PLXNA4: variants seen among roughly 807,000 people sequenced by gnomAD.
PLXNA4 encodes the protein plexin A4.
PLXNA4 carries 44 observed loss-of-function variants against 191.8 expected under a neutral mutation model. That is an observed-to-expected ratio of 0.23 (90% CI 0.18 to 0.29). PLXNA4 has a LOEUF of 0.29. PLXNA4 is among the 10% of genes least tolerant of loss of function. PLXNA4 has a pLI of 1.00. For missense variants in PLXNA4, 1,800 were observed against 2,488.8 expected (o/e 0.72, Z 5.89); for synonymous variants, 1,082 against 1,009.5 (o/e 1.07, Z -1.36).
At chr7:132,645,746 T>C (rs117627811) in intron 2 of PLXNA4, among the ~76,000 whole-genome samples, 4,484 of 152,122 alleles carry the variant, frequency 0.029, 153 homozygotes, top group Admixed American at 0.099. Flanking sequence ...CAGACACAAG[T>C]TGGGAAGAGC....
At chr7:132,141,999 A>C (rs1473469441) in intron 29 of PLXNA4, among the ~76,000 whole-genome samples, 1 of 152,132 alleles carries the variant, frequency 6.6e-6, no homozygotes, top group Admixed American at 6.5e-5. Flanking sequence ...CAAAGTGTTG[A>C]GAATACAAGG....
chr7:132,192,501 G>A (rs1206820018), intron 14 of PLXNA4, among the ~76,000 whole-genome samples: 1 of 151,234 alleles, frequency 6.6e-6, no homozygotes, highest in Non-Finnish European at 1.5e-5. Flanking sequence ...AGCAAGGAAG[G>A]AAGGAAGGGA....
chr7:132,289,391 G>A (rs1800800758), intron 4 of PLXNA4, among the ~76,000 whole-genome samples: 2 of 152,264 alleles, frequency 1.3e-5, no homozygotes, highest in South Asian at 4.2e-4. Flanking sequence ...TCTTAGGTTG[G>A]TTCCTTCTTT....
chr7:132,466,966 G>C (rs1210596276), intron 3 of PLXNA4, among the ~76,000 whole-genome samples: 2 of 152,136 alleles, frequency 1.3e-5, no homozygotes, highest in African/African-American at 4.8e-5. Context: ...ACCTCTTAGA[G>C]AAGCTCCCAT....
chr7:132,597,553 A>G (rs899062925), intron 2 of PLXNA4, among the ~76,000 whole-genome samples: 5 of 151,418 alleles, frequency 3.3e-5, no homozygotes, highest in Non-Finnish European at 5.9e-5. Flanking sequence ...GACACATTCA[A>G]TCATGCATCG....
rs768198205 is a variant in PLXNA4, at chr7:132,227,513, C to T, written c.1820G>A (p.Gly607Asp). Residue 607 changes from glycine (G) to aspartate (D), a missense_variant, in exon 7 of 32, where the codon GGC becomes GAC. Gly to Asp is a moderately conservative substitution (Grantham distance 94). Transcript: ENST00000321063. ...AGGGGAGTAGCACTGGATCTGATTG[C>T]CCACGACCAGCCCATCCATCTCTGA... ...DLSEMDGLVV[G>D]NQIQCYSPAA... The T allele has an allele frequency of 1.2e-6, 2 of 1,614,172 alleles. No homozygotes were observed. The highest frequency in any genetic ancestry group is 1.1e-5 in the South Asian group (1 of 91,070).
chr7:132,187,261 C>T (rs914736312), intron 15 of PLXNA4, among the ~76,000 whole-genome samples: 3 of 152,194 alleles, frequency 2.0e-5, no homozygotes, highest in Admixed American at 2.0e-4. Context: ...TCCGATCTCC[C>T]ATTTAGCCAG....
chr7:132,548,761 C>T (rs1800420581), intron 1 of PLXNA4, among the ~76,000 whole-genome samples: 1 of 152,150 alleles, frequency 6.6e-6, no homozygotes, highest in African/African-American at 2.4e-5. Context: ...GAAGGTTAGG[C>T]ATTCTTAGTC....
At chr7:132,211,284 CCCAG>C in intron 9 of PLXNA4, 141 bp from the exon 10 acceptor site, 2 of 811,696 alleles carry the variant, frequency 2.5e-6, no homozygotes, top group Non-Finnish European at 3.8e-6. Flanking sequence ...CTCGTGCCCA[CCCAG>C]TGGGCAATGC....
At chr7:132,468,599 G>T (rs573707936) in intron 3 of PLXNA4, among the ~76,000 whole-genome samples, 5 of 152,122 alleles carry the variant, frequency 3.3e-5, no homozygotes, top group Non-Finnish European at 7.3e-5. Flanking sequence ...CACTCTTCCT[G>T]CAGATGTAGG....
chr7:132,248,961 G>A (rs1198538616), intron 4 of PLXNA4, among the ~76,000 whole-genome samples: 1 of 152,200 alleles, frequency 6.6e-6, no homozygotes, highest in Admixed American at 6.5e-5. Context: ...AATCCAGCTG[G>A]GCCTCACTTG....
chr7:132,186,978 T>G (rs977087018), intron 15 of PLXNA4, among the ~76,000 whole-genome samples: 3 of 152,178 alleles, frequency 2.0e-5, no homozygotes, highest in Admixed American at 6.5e-5. Flanking sequence ...ACATCACTAT[T>G]GTAAAACCTA....
At chr7:132,527,370 A>G (rs1799439341) in intron 1 of PLXNA4, among the ~76,000 whole-genome samples, 1 of 151,940 alleles carries the variant, frequency 6.6e-6, no homozygotes, top group Admixed American at 6.6e-5. Flanking sequence ...CAGATACCCA[A>G]CTGCCTTCAA....
In PLXNA4 at chr7:132,123,517, G is replaced by A. The variant is rs1794691102; in HGVS notation, c.*6962C>T. On this transcript the variant is annotated 3_prime_UTR_variant, in exon 32 of 32. Coordinates refer to ENST00000321063, the MANE Select transcript of PLXNA4 (RefSeq NM_020911.2). ...ACTGGGCTCCAATTTAAATAGCACA[G>A]GTTTCCTTTTTAAAAACTTTTTAAT... The A allele has an allele frequency of 6.6e-6, 1 of 151,786 alleles. No homozygotes were observed. Among genetic ancestry groups the A allele is most frequent in the South Asian group, 2.1e-4 (1 of 4,800 alleles). 9.4% of individuals were successfully genotyped at this position (151,786 alleles called of 1,614,324 possible).
At chr7:132,344,776 A>C (rs564155284) in intron 3 of PLXNA4, among the ~76,000 whole-genome samples, 1 of 152,218 alleles carries the variant, frequency 6.6e-6, no homozygotes, top group African/African-American at 2.4e-5. Flanking sequence ...TTAAGTGTCA[A>C]GCAAGAGATC....
chr7:132,448,835 A>T (rs867640287), intron 3 of PLXNA4, among the ~76,000 whole-genome samples: 2 of 152,240 alleles, frequency 1.3e-5, no homozygotes, highest in Non-Finnish European at 2.9e-5. Flanking sequence ...TACATAGCCC[A>T]GTTCTAGTTG....
At chr7:132,464,503 C>A (rs4731868) in intron 3 of PLXNA4, among the ~76,000 whole-genome samples, 1 of 152,084 alleles carries the variant, frequency 6.6e-6, no homozygotes, top group African/African-American at 2.4e-5. Context: ...AAGTAAGACT[C>A]TCAGCACCTG....
At chr7:132,625,682 G>A (rs1563198038) in intron 2 of PLXNA4, among the ~76,000 whole-genome samples, 1 of 152,190 alleles carries the variant, frequency 6.6e-6, no homozygotes, top group African/African-American at 2.4e-5. Flanking sequence ...GCTATAGGAT[G>A]TAAAGGAGTA....
intron 3 of PLXNA4, among the ~76,000 whole-genome samples, chr7:132,486,097 T>G (rs929011232): frequency 2.0e-5 from 3 of 152,096 alleles, no homozygotes; most frequent in Non-Finnish European, 4.4e-5. Flanking sequence ...TAAAGAACTC[T>G]GAAAGGTCCT....
Sources: gnomAD v4.1 joint callset for allele counts (sites outside exome capture counted in the v4.1 genomes callset) on GRCh38, gnomAD v4.1.1 for gene constraint, MANE v1.5 for transcripts, NCBI Gene and HGNC (gene_info 2026-07-23, HGNC 2026-07-21) for gene names.